Variants in ATF1 observed in about 807,000 individuals in gnomAD.
ATF1 encodes activating transcription factor 1, also known as cyclic AMP-dependent transcription factor ATF-1.
In ATF1, 16 loss-of-function variants were observed where a neutral mutation model predicts 34.7. The observed-to-expected ratio is 0.46, with a 90% CI of 0.31 to 0.70. The LOEUF (loss-of-function observed/expected upper bound fraction) is 0.70. Ranked by LOEUF, ATF1 falls within the 30% of genes least tolerant of loss-of-function variation. ATF1 has a pLI of 0.05. For missense variants in ATF1, 255 were observed against 321.6 expected, an observed-to-expected ratio of 0.79 and a Z score of 1.58; for synonymous variants, 105 against 113.1, an observed-to-expected ratio of 0.93 and a Z score of 0.46.
intron 6 of ATF1, among the ~76,000 whole-genome samples, chr12:50,819,261 G>A (rs1236936323): frequency 6.6e-6 from 1 of 152,178 alleles, no homozygotes; most frequent in Non-Finnish European, 1.5e-5. Context: ...AACCTCAGAT[G>A]GGCTGAGTGA....
In ATF1 at chr12:50,820,684, TA is replaced by T. The variant is rs1275396098; in HGVS notation, c.*907del. The T allele has an allele frequency of 1.1e-5, 2 of 178,320 alleles. No homozygotes were observed. Among genetic ancestry groups the T allele is most frequent in the Non-Finnish European group, 2.4e-5 (2 of 82,666 alleles). The allele number at this position is 178,320 out of a possible 1,614,324, so 11.0% of individuals were successfully genotyped here. ...CCAAAGTTTTTCCAAGAAGATTTTA[TA>T]ATCAATTTAATAATGTAAGGTTTAT... On this transcript the variant is annotated 3_prime_UTR_variant, in exon 7 of 7. Coordinates refer to ENST00000262053, the MANE Select transcript of ATF1 (RefSeq NM_005171.5).
intron 2 of ATF1, 33 bp downstream of exon 2, chr12:50,780,271 G>A: frequency 6.8e-7 from 1 of 1,477,642 alleles, no homozygotes; most frequent in Non-Finnish European, 9.4e-7. Flanking sequence ...TACTGAGCTT[G>A]TTAGGAATAT....
At chr12:50,794,943 T>A (rs866099909) in intron 2 of ATF1, among the ~76,000 whole-genome samples, 93 of 151,576 alleles carry the variant, frequency 6.1e-4, no homozygotes, top group Middle Eastern at 3.4e-3. Flanking sequence ...TAAAAATATT[T>A]AAAAAAAAAT....
chr12:50,781,450 G>T (rs1941058633), intron 2 of ATF1, among the ~76,000 whole-genome samples: 1 of 151,938 alleles, frequency 6.6e-6, no homozygotes, highest in Non-Finnish European at 1.5e-5. Context: ...TGTTTTCTTT[G>T]TTTTTGTTTT....
intron 1 of ATF1, among the ~76,000 whole-genome samples, chr12:50,774,046 T>C (rs908659314): frequency 1.3e-5 from 2 of 152,190 alleles, no homozygotes; most frequent in Admixed American, 6.5e-5. Context: ...TTTTCTTTTT[T>C]TGGAGATGGA....
chr12:50,769,313 T>C (rs1371569763), intron 1 of ATF1, among the ~76,000 whole-genome samples: 3 of 152,128 alleles, frequency 2.0e-5, no homozygotes, highest in African/African-American at 7.2e-5. Context: ...GAGACCAGTC[T>C]GGCCAACATG....
chr12:50,775,324 G>C (rs1940891693), intron 1 of ATF1, among the ~76,000 whole-genome samples: 1 of 149,926 alleles, frequency 6.7e-6, no homozygotes, highest in African/African-American at 2.5e-5. Flanking sequence ...TGATATGTGT[G>C]TTTTTTTTTT....
intron 2 of ATF1, among the ~76,000 whole-genome samples, chr12:50,792,012 A>C (rs1284038013): frequency 6.6e-6 from 1 of 152,168 alleles, no homozygotes; most frequent in Admixed American, 6.5e-5. Flanking sequence ...TCTCTTCAGA[A>C]TAGCATGTGC....
intron 2 of ATF1, among the ~76,000 whole-genome samples, chr12:50,781,736 C>A (rs1451737174): frequency 1.3e-5 from 2 of 151,956 alleles, no homozygotes; most frequent in African/African-American, 4.8e-5. Flanking sequence ...CAGGCGTGAG[C>A]CACCGTGCCC....
intron 2 of ATF1, among the ~76,000 whole-genome samples, chr12:50,782,998 C>T (rs1941104200): frequency 6.6e-6 from 1 of 151,972 alleles, no homozygotes; most frequent in Admixed American, 6.6e-5. Context: ...CTGATTTCAG[C>T]TGTTTTCTAT....
At position 50,780,239 on chromosome 12, in the gene ATF1, G is replaced by C; in HGVS notation, c.93+1G>C. Reference sequence around the variant, plus strand: ...TCACATTTCTCATATTGCTCAACAGGTAAGGGAGGGACTGGCCAAAATACT... The same window carrying C: ...TCACATTTCTCATATTGCTCAACAGCTAAGGGAGGGACTGGCCAAAATACT... On this transcript the variant is annotated splice_donor_variant, in intron 2 of 6. Transcript: ENST00000262053. LOFTEE classifies it high-confidence loss of function. The C allele has an allele frequency of 1.9e-6, 3 of 1,606,310 alleles. No homozygotes were observed. The highest frequency in any genetic ancestry group is 2.6e-6 in the Non-Finnish European group (3 of 1,173,870).
chr12:50,799,209 A>G lies in ATF1; in HGVS notation c.194+3200A>G, dbSNP rs563738178. On this transcript the variant is annotated intron_variant, in intron 3 of 6. Coordinates refer to ENST00000262053, the MANE Select transcript of ATF1 (RefSeq NM_005171.5). ...AGACCAATCTGTGTAACATAAGGAG[A>G]TCCTGTCTCTACAAAAAATACAAAA... Among the ~76,000 whole-genome samples, 4 of 152,252 alleles carry G rather than the reference A, an allele frequency of 2.6e-5. No homozygotes were observed. The South Asian group carries it at 8.3e-4, about 32-fold the overall frequency.
intron 3 of ATF1, among the ~76,000 whole-genome samples, chr12:50,803,012 G>C (rs1311950906): frequency 1.3e-5 from 2 of 151,450 alleles, no homozygotes; most frequent in Non-Finnish European, 2.9e-5. Flanking sequence ...TGTAATCCCA[G>C]CACTTTGGGA....
intron 6 of ATF1, among the ~76,000 whole-genome samples, chr12:50,818,362 A>T (rs779378868): frequency 2.0e-4 from 30 of 152,194 alleles, no homozygotes; most frequent in Non-Finnish European, 3.5e-4. Flanking sequence ...ATGAGCTGTG[A>T]TTGTGCCACT....
At chr12:50,779,426 C>T (rs948534401) in intron 1 of ATF1, among the ~76,000 whole-genome samples, 1 of 152,254 alleles carries the variant, frequency 6.6e-6, no homozygotes, top group African/African-American at 2.4e-5. Flanking sequence ...TTAGTATTTT[C>T]TGTGTCTTGA....
chr12:50,793,203 TTAAAGA>T (rs1236034910), intron 2 of ATF1, among the ~76,000 whole-genome samples: 1 of 152,212 alleles, frequency 6.6e-6, no homozygotes, highest in Non-Finnish European at 1.5e-5. Flanking sequence ...GGTGCTGTTA[TTAAAGA>T]TAAATTTTTG....
chr12:50,813,922 G>A, intron 4 of ATF1, 88 bp from the exon 5 acceptor site: 1 of 1,326,976 alleles, frequency 7.5e-7, no homozygotes, highest in Non-Finnish European at 1.0e-6. Flanking sequence ...ACCTGTTTTA[G>A]TAAATAGTGT....
chr12:50,804,600 ATGAT>A (rs1298869666), intron 3 of ATF1, among the ~76,000 whole-genome samples: 1 of 152,142 alleles, frequency 6.6e-6, no homozygotes, highest in Non-Finnish European at 1.5e-5. Flanking sequence ...GCAGTGAGCT[ATGAT>A]TGAGCCACTA....
At chr12:50,787,912 G>A (rs931291068) in intron 2 of ATF1, among the ~76,000 whole-genome samples, 8 of 152,160 alleles carry the variant, frequency 5.3e-5, no homozygotes, top group African/African-American at 1.9e-4. Flanking sequence ...CAAGAACTGT[G>A]GAATAATATC....
Sources: gnomAD v4.1 joint callset for allele counts (sites outside exome capture counted in the v4.1 genomes callset) on GRCh38, gnomAD v4.1.1 for gene constraint, MANE v1.5 for transcripts, NCBI Gene and HGNC (gene_info 2026-07-23, HGNC 2026-07-21) for gene names.